Variants in GRAMD1C observed in about 807,000 individuals in gnomAD.
The protein encoded by GRAMD1C is GRAM domain containing 1C.
In GRAMD1C, 89 loss-of-function variants were observed where a neutral mutation model predicts 97.8. That is an observed-to-expected ratio of 0.91 (90% CI 0.77 to 1.09). The LOEUF (loss-of-function observed/expected upper bound fraction) is 1.09, where lower values mean the gene tolerates loss of function less well. GRAMD1C is among the 50% of genes least tolerant of loss of function. GRAMD1C has a pLI of 0.00. For missense variants in GRAMD1C, 740 were observed against 766.4 expected, an observed-to-expected ratio of 0.97 and a Z score of 0.41; for synonymous variants, 256 against 267.0, an observed-to-expected ratio of 0.96 and a Z score of 0.40.
At chr3:113,909,203 A>C (rs1353751882) in intron 9 of GRAMD1C, 83 bp downstream of exon 9, 3 of 632,134 alleles carry the variant, frequency 4.7e-6, no homozygotes, top group Non-Finnish European at 5.0e-6. Context: ...GCAGATTGAG[A>C]ATTTAGTTTT....
chr3:113,936,436 A>C lies in GRAMD1C; in HGVS notation c.1627A>C (p.Ile543Leu). The C allele has an allele frequency of 6.3e-7, 1 of 1,598,558 alleles. No homozygotes were observed. Among genetic ancestry groups the C allele is most frequent in the Non-Finnish European group, 8.5e-7 (1 of 1,171,094 alleles). ...TGTGGGCTTAGGTGCCAAAGGGGATATTACAGGTAGTTGTCACCTGGTAAA... is the reference window on the plus strand; with the variant it reads ...TGTGGGCTTAGGTGCCAAAGGGGATCTTACAGGTAGTTGTCACCTGGTAAA... ...GDVGLGAKGD[I>L]TGKKKEMENY... The change falls in exon 14 of 18, where the codon ATT (isoleucine) becomes CTT (leucine). Residue 543 changes from isoleucine to leucine, a missense_variant. Physicochemically the swap from Ile to Leu is conservative, Grantham distance 5 (BLOSUM62 2). Coordinates refer to ENST00000358160, the MANE Select transcript of GRAMD1C (RefSeq NM_017577.5).
chr3:113,835,055 A>C (rs968656428), upstream of GRAMD1C, among the ~76,000 whole-genome samples: 8 of 152,126 alleles, frequency 5.3e-5, no homozygotes, highest in African/African-American at 1.9e-4. Context: ...AGCTGTTTAC[A>C]TATTAGTGTG....
rs200062835 is a variant in GRAMD1C, at chr3:113,833,120, CTT to C, written n.98+4855_98+4856del. 8.9e-3 allele frequency among the ~76,000 whole-genome samples: 1,156 copies of C among 129,430 alleles called. 14 individuals are homozygous for C. The highest frequency in any genetic ancestry group is 0.031 in the African/African-American group (1,084 of 34,488). The allele number at this position is 129,430 out of a possible 152,430, so 84.9% of individuals were successfully genotyped here. A position where few individuals can be genotyped will look rare whatever the true frequency, so the allele number is the denominator to read the frequency against. On this transcript the variant is annotated intron_variant and non_coding_transcript_variant, in intron 1 of 18. Coordinates refer to the GRAMD1C transcript ENST00000479212. ...TTTTCTTTTCTTTCTTTCTTTCTTT[CTT>C]TTTTTTTTTTTTTGTGTGTGTGCGT...
intron 12 of GRAMD1C, among the ~76,000 whole-genome samples, chr3:113,933,855 C>A (rs899247947): frequency 2.6e-5 from 4 of 152,188 alleles, no homozygotes; most frequent in Admixed American, 2.0e-4. Flanking sequence ...GCTACGTGAT[C>A]CAGAATATGT....
chr3:113,924,242 T>G (rs534617693), intron 10 of GRAMD1C, among the ~76,000 whole-genome samples: 1 of 152,292 alleles, frequency 6.6e-6, no homozygotes, highest in East Asian at 1.9e-4. Flanking sequence ...TTCATTGATC[T>G]TTTGTATGGT....
intron 6 of GRAMD1C, among the ~76,000 whole-genome samples, chr3:113,887,082 T>C (rs1935522840): frequency 8.2e-6 from 1 of 121,912 alleles, no homozygotes; most frequent in Non-Finnish European, 1.7e-5. Context: ...GCCTGGCCTT[T>C]TTGTTTTTTT....
At chr3:113,909,840 A>C (rs1310143953) in intron 9 of GRAMD1C, among the ~76,000 whole-genome samples, 1 of 152,210 alleles carries the variant, frequency 6.6e-6, no homozygotes, top group Non-Finnish European at 1.5e-5. Flanking sequence ...TACTCAGAAC[A>C]ATACTCAAAT....
At chr3:113,864,919 A>G (rs1934527887) in intron 2 of GRAMD1C, among the ~76,000 whole-genome samples, 1 of 152,126 alleles carries the variant, frequency 6.6e-6, no homozygotes, top group African/African-American at 2.4e-5. Flanking sequence ...AATAGCAACA[A>G]CCCTACTTCT....
chr3:113,903,957 G>A (rs1936263883), intron 7 of GRAMD1C, among the ~76,000 whole-genome samples, 183 bp from the exon 8 acceptor site: 2 of 152,062 alleles, frequency 1.3e-5, no homozygotes, highest in South Asian at 4.2e-4. Flanking sequence ...TTTCAGAAAT[G>A]ATATCAACTT....
chr3:113,834,959 C>T (rs1375157506), upstream of GRAMD1C, among the ~76,000 whole-genome samples: 1 of 141,032 alleles, frequency 7.1e-6, no homozygotes, highest in Non-Finnish European at 1.5e-5. Context: ...AAAAAAAAGA[C>T]ACTGATATTT....
intron 1 of GRAMD1C, among the ~76,000 whole-genome samples, chr3:113,843,148 T>C (rs62265386): frequency 0.029 from 4,290 of 150,510 alleles, 93 homozygotes; most frequent in Non-Finnish European, 0.039. Flanking sequence ...GATCATGGCT[T>C]ACTACAGTCT....
intron 17 of GRAMD1C, among the ~76,000 whole-genome samples, chr3:113,944,991 G>A (rs1228669466): frequency 6.6e-6 from 1 of 152,214 alleles, no homozygotes. Context: ...CATGAAGAGT[G>A]TGAATATGAG....
At chr3:113,913,434 A>G (rs956968204) in intron 9 of GRAMD1C, among the ~76,000 whole-genome samples, 3 of 148,000 alleles carry the variant, frequency 2.0e-5, no homozygotes, top group African/African-American at 7.7e-5. Flanking sequence ...GTCTCCAAAA[A>G]AAAAAAAAAA....
At chr3:113,913,302 G>A (rs72954636) in intron 9 of GRAMD1C, 1 of 334,282 alleles carries the variant, frequency 3.0e-6, no homozygotes, top group African/African-American at 2.2e-5. Flanking sequence ...AGCCAGGTGG[G>A]TCAACTGAGG....
chr3:113,868,794 A>T (rs972077203), intron 2 of GRAMD1C, among the ~76,000 whole-genome samples: 3 of 152,122 alleles, frequency 2.0e-5, no homozygotes, highest in Non-Finnish European at 2.9e-5. Context: ...AAATGTGTGG[A>T]TAGCTTGGGC....
chr3:113,915,475 T>C (rs1481846378), intron 9 of GRAMD1C, among the ~76,000 whole-genome samples: 1 of 152,232 alleles, frequency 6.6e-6, no homozygotes, highest in Non-Finnish European at 1.5e-5. Context: ...ATATGTAGTT[T>C]AGTTAACTAT....
chr3:113,839,772 G>T (rs1206354048), intron 1 of GRAMD1C, among the ~76,000 whole-genome samples: 3 of 152,162 alleles, frequency 2.0e-5, no homozygotes, highest in Non-Finnish European at 4.4e-5. Flanking sequence ...TAAGCTTATT[G>T]TCTAGACTAG....
Position 113,904,284 on chromosome 3 carries a change from A to G in GRAMD1C, c.789+12A>G, listed in dbSNP as rs754554885. ...ATTCATCAAAAGGAGTTAGTATATG[A>G]TATCCCTTTTAAAATATATCTGGTA... On this transcript the variant is annotated intron_variant, in intron 8 of 17. Coordinates refer to ENST00000358160, the MANE Select transcript of GRAMD1C (RefSeq NM_017577.5). The G allele has an allele frequency of 6.4e-7, 1 of 1,560,878 alleles. No homozygotes were observed.
chr3:113,881,110 TAAG>T (rs1935241353), intron 5 of GRAMD1C, among the ~76,000 whole-genome samples: 1 of 152,204 alleles, frequency 6.6e-6, no homozygotes, highest in South Asian at 2.1e-4. Context: ...CCCAAACTCA[TAAG>T]AAGGCTATTA....
Sources: gnomAD v4.1 joint callset for allele counts (sites outside exome capture counted in the v4.1 genomes callset) on GRCh38, gnomAD v4.1.1 for gene constraint, MANE v1.5 for transcripts, NCBI Gene and HGNC (gene_info 2026-07-23, HGNC 2026-07-21) for gene names.